Variants in DIP2C observed in about 807,000 individuals in gnomAD.
DIP2C encodes the protein disco-interacting protein 2 homolog C.
A neutral mutation model predicts 192.4 loss-of-function variants in DIP2C; 33 were observed. The ratio of observed to expected loss-of-function variants is 0.17; its 90% confidence interval spans 0.13 to 0.23. DIP2C has a LOEUF of 0.23. DIP2C is among the 10% of genes least tolerant of loss of function. The probability of loss-of-function intolerance (pLI) is 1.00; values close to 1 mark genes in which losing one functional copy is unlikely to be tolerated. For missense variants in DIP2C, 1,537 were observed against 2,110.1 expected, an observed-to-expected ratio of 0.73 and a Z score of 5.32; for synonymous variants, 979 against 864.1, an observed-to-expected ratio of 1.13 and a Z score of -2.33.
intron 31 of DIP2C, among the ~76,000 whole-genome samples, chr10:319,990 CT>C (rs920493753): frequency 6.6e-6 from 1 of 152,170 alleles, no homozygotes; most frequent in Non-Finnish European, 1.5e-5. Flanking sequence ...GTGAATGACT[CT>C]TAAGGTGCAA....
intron 1 of DIP2C, among the ~76,000 whole-genome samples, chr10:522,849 C>T (rs1022284325): frequency 4.6e-5 from 7 of 151,890 alleles, no homozygotes; most frequent in African/African-American, 1.4e-4. Context: ...TTCTACCTGA[C>T]GCAAAGGACC....
chr10:377,522 G>A (rs1045046171), intron 17 of DIP2C, among the ~76,000 whole-genome samples: 4 of 152,228 alleles, frequency 2.6e-5, no homozygotes, highest in South Asian at 2.1e-4. Context: ...TTAGAGAATT[G>A]CAAAATTTTA....
chr10:462,350 C>A (rs1243513128), intron 3 of DIP2C, among the ~76,000 whole-genome samples: 1 of 152,120 alleles, frequency 6.6e-6, no homozygotes, highest in East Asian at 1.9e-4. Context: ...GGGATATCAC[C>A]ACTGATCCCA....
At chr10:423,467 C>T (rs1966348140) in intron 4 of DIP2C, among the ~76,000 whole-genome samples, 2 of 152,202 alleles carry the variant, frequency 1.3e-5, no homozygotes, top group African/African-American at 2.4e-5. Context: ...CTTGTGGGCT[C>T]TGATTTTTCT....
Position 596,856 on chromosome 10 carries a change from C to T in DIP2C, c.85+92638G>A, listed in dbSNP as rs367954821. On this transcript the variant is annotated intron_variant, in intron 1 of 36. Coordinates refer to ENST00000280886, the MANE Select transcript of DIP2C (RefSeq NM_014974.3). ...CTGCCCAGGACAAAGACACCCAGAA[C>T]CACACAATGAGCTTTCAAGCTCACC... Among the ~76,000 whole-genome samples, 367 of 152,344 alleles carry T rather than the reference C, an allele frequency of 2.4e-3. 1 individual carries two copies. The highest frequency in any genetic ancestry group is 8.3e-3 in the South Asian group (40 of 4,830).
In DIP2C at chr10:363,474, G is replaced by A. The variant is rs1959786035; in HGVS notation, c.2478-163C>T. Among the ~76,000 whole-genome samples, 1 of 152,174 alleles carries A rather than the reference G, an allele frequency of 6.6e-6. No individual in the cohort carries two copies. Among genetic ancestry groups the A allele is most frequent in the Non-Finnish European group, 1.5e-5 (1 of 68,028 alleles). ...GAATTTCCCCACACTCATCAGTACG[G>A]GAAGAACTGTGGGAGGCGCCCAGGG... On this transcript the variant is annotated intron_variant, in intron 20 of 36. Transcript: ENST00000280886. The surrounding 1 kb of genome is among the most constrained non-coding windows in gnomAD (Gnocchi z 5.4).
rs1954417825 is a variant in DIP2C, at chr10:274,513, C to T, written c.*2812G>A. ...TTTGTTCATTTGAATATAAAACAGG[C>T]GTTATCACAGATGTACAAAGCGTAC... On this transcript the variant is annotated 3_prime_UTR_variant, in exon 37 of 37. Transcript: ENST00000280886. The T allele has an allele frequency of 6.6e-6, 1 of 152,140 alleles. No individual in the cohort carries two copies. Among genetic ancestry groups the T allele is most frequent in the Non-Finnish European group, 1.5e-5 (1 of 68,028 alleles). The allele number at this position is 152,140 out of a possible 1,614,324, so 9.4% of individuals were successfully genotyped here.
intron 3 of DIP2C, among the ~76,000 whole-genome samples, chr10:450,385 C>A (rs1014894484): frequency 6.6e-6 from 1 of 152,146 alleles, no homozygotes; most frequent in Non-Finnish European, 1.5e-5. Flanking sequence ...AAGATGTTTA[C>A]GTATCAATTA....
intron 5 of DIP2C, among the ~76,000 whole-genome samples, chr10:419,600 G>A (rs909563532): frequency 6.6e-6 from 1 of 152,138 alleles, no homozygotes; most frequent in Non-Finnish European, 1.5e-5. Flanking sequence ...GAAACTTCTG[G>A]GGATTTTGGG....
chr10:568,510 G>C (rs1021919787), intron 1 of DIP2C, among the ~76,000 whole-genome samples: 2 of 152,048 alleles, frequency 1.3e-5, no homozygotes, highest in African/African-American at 4.8e-5. Context: ...GCTCACGCCT[G>C]TAATCCCAGC....
At chr10:391,191 A>G (rs1204522398) in intron 10 of DIP2C, among the ~76,000 whole-genome samples, 5 of 152,210 alleles carry the variant, frequency 3.3e-5, no homozygotes, top group Admixed American at 2.6e-4. Context: ...CCAATTCCAT[A>G]AGACTATGAT....
At chr10:364,897 T>TTG (rs1960004546) in intron 19 of DIP2C, 4 of 577,918 alleles carry the variant, frequency 6.9e-6, no homozygotes, top group Admixed American at 4.4e-5. Context: ...AACTGATTAC[T>TTG]TGGTTTACAA....
intron 34 of DIP2C, among the ~76,000 whole-genome samples, 193 bp downstream of exon 34, chr10:286,079 TG>T (rs2132166221): frequency 6.6e-6 from 1 of 152,388 alleles, no homozygotes; most frequent in South Asian, 2.1e-4. Flanking sequence ...AGTGCCATTT[TG>T]TAATTGTGAG....
At chr10:338,648 G>A (rs550878509) in intron 29 of DIP2C, among the ~76,000 whole-genome samples, 97 of 152,244 alleles carry the variant, frequency 6.4e-4, no homozygotes, top group Middle Eastern at 3.4e-3. Context: ...CATTTGGAAC[G>A]TACCCCCATG....
chr10:290,667 G>C (rs61837285), intron 32 of DIP2C, among the ~76,000 whole-genome samples: 2 of 152,182 alleles, frequency 1.3e-5, no homozygotes, highest in African/African-American at 4.8e-5. Context: ...CAAGCTGGCC[G>C]GGGCAGCGGT....
At chr10:469,230 T>TC (rs996182338) in intron 3 of DIP2C, among the ~76,000 whole-genome samples, 2 of 152,142 alleles carry the variant, frequency 1.3e-5, no homozygotes, top group African/African-American at 4.8e-5. Flanking sequence ...CACCCTGATT[T>TC]CCTCTCATGT....
chr10:417,657 T>TACACCTGTCAGG (rs1564684563), intron 6 of DIP2C, among the ~76,000 whole-genome samples: 1 of 13,388 alleles, frequency 7.5e-5, no homozygotes, highest in Non-Finnish European at 2.0e-4. Flanking sequence ...CCTGTCCACC[T>TACACCTGTCAGG]GTTCCTGTCA....
At chr10:423,809 G>A (rs889378380) in intron 4 of DIP2C, among the ~76,000 whole-genome samples, 6 of 152,148 alleles carry the variant, frequency 3.9e-5, no homozygotes, top group African/African-American at 1.4e-4. Context: ...CGTGCCTCAC[G>A]CGGAGCAGCC....
At chr10:329,041 T>A (rs1957388933) in intron 30 of DIP2C, among the ~76,000 whole-genome samples, 1 of 152,032 alleles carries the variant, frequency 6.6e-6, no homozygotes, top group African/African-American at 2.4e-5. Context: ...CCAGGGAAAA[T>A]AAAAGTGAGC....
Sources: allele counts gnomAD v4.1 joint callset (sites outside exome capture counted in the v4.1 genomes callset), GRCh38; gene constraint gnomAD v4.1.1; non-coding constraint Gnocchi (gnomAD v3.1); transcripts MANE v1.5; gene names NCBI Gene and HGNC (gene_info 2026-07-23, HGNC 2026-07-21).